The following MGST1 variants were observed in gnomAD, a reference collection of about 807,000 sequenced individuals.
MGST1 encodes the protein glutathione S-transferase 12.
Under a neutral mutation model 8.9 loss-of-function variants are expected in MGST1, and 5 were observed. That is an observed-to-expected ratio of 0.56 (90% CI 0.29 to 1.19). MGST1 has a LOEUF of 1.19. MGST1 is among the 50% of genes most tolerant of loss of function. MGST1 has a pLI of 0.08. For missense variants in MGST1, 182 were observed against 187.4 expected (o/e 0.97, Z 0.17); for synonymous variants, 54 against 67.8 (o/e 0.80, Z 1.00).
At chr12:16,542,104 G>T (rs2137213928) in intron 4 of MGST1, among the ~76,000 whole-genome samples, 1 of 152,222 alleles carries the variant, frequency 6.6e-6, no homozygotes, top group East Asian at 1.9e-4. Flanking sequence ...CATTTTTCAG[G>T]CAAGAGGAAG....
At chr12:16,426,194 C>T (rs1296139444) in intron 1 of MGST1, among the ~76,000 whole-genome samples, 1 of 152,180 alleles carries the variant, frequency 6.6e-6, no homozygotes, top group East Asian at 1.9e-4. Flanking sequence ...TTACAATCTT[C>T]ATCTCTTACT....
chr12:16,478,742 C>T (rs759396002), intron 4 of MGST1, among the ~76,000 whole-genome samples: 29 of 151,704 alleles, frequency 1.9e-4, no homozygotes, highest in South Asian at 4.1e-4. Flanking sequence ...CCTTACCCCT[C>T]AAAAAAACAA....
downstream of MGST1, chr12:16,367,389 G>A (rs973463261): frequency 1.3e-5 from 2 of 152,222 alleles, no homozygotes; most frequent in African/African-American, 2.4e-5. Context: ...TGAGACTGGA[G>A]TGGAAATGAG....
intron 4 of MGST1, among the ~76,000 whole-genome samples, chr12:16,508,846 G>A (rs1941557898): frequency 6.6e-6 from 1 of 152,138 alleles, no homozygotes; most frequent in Non-Finnish European, 1.5e-5. Context: ...AATTGTATAG[G>A]CACTGTTTTA....
chr12:16,532,574 T>C (rs1223359319), intron 4 of MGST1, among the ~76,000 whole-genome samples: 2 of 152,148 alleles, frequency 1.3e-5, no homozygotes, highest in African/African-American at 4.8e-5. Flanking sequence ...TAAAACAGAA[T>C]CATAAACAGT....
intron 4 of MGST1, among the ~76,000 whole-genome samples, chr12:16,461,426 G>A (rs912463515): frequency 2.0e-5 from 3 of 152,076 alleles, no homozygotes; most frequent in Non-Finnish European, 4.4e-5. Context: ...CAACCAGAAT[G>A]GTTTTCCAAG....
intron 4 of MGST1, among the ~76,000 whole-genome samples, chr12:16,511,449 G>T (rs532817910): frequency 1.3e-4 from 20 of 152,106 alleles, no homozygotes; most frequent in African/African-American, 3.6e-4. Context: ...TTGCTTTCAA[G>T]GATCTAAATT....
intron 4 of MGST1, among the ~76,000 whole-genome samples, chr12:16,573,001 G>A (rs1413412816): frequency 5.9e-5 from 9 of 151,532 alleles, no homozygotes; most frequent in Admixed American, 4.6e-4. Context: ...TTTTTTAAAG[G>A]AGTGCAATTC....
chr12:16,472,956 C>A (rs1941297879), intron 4 of MGST1, among the ~76,000 whole-genome samples: 1 of 152,166 alleles, frequency 6.6e-6, no homozygotes, highest in Non-Finnish European at 1.5e-5. Flanking sequence ...TGTAGGCTAG[C>A]CTTTCCATGA....
Position 16,364,396 on chromosome 12 carries a change from G to T in MGST1, c.*355G>T. The T allele has an allele frequency of 4.1e-6, 4 of 987,350 alleles. No homozygotes were observed. The highest frequency in any genetic ancestry group is 4.8e-6 in the Non-Finnish European group (4 of 829,372). The allele number at this position is 987,350 out of a possible 1,614,324, so 61.2% of individuals were successfully genotyped here. On this transcript the variant is annotated 3_prime_UTR_variant, in exon 4 of 4. Transcript: ENST00000396210. This position sits in a 1 kb window ranked among gnomAD's most constrained non-coding sequence, Gnocchi z 5.7. ...ACTGCTGAAACAGACATGAAATAAA[G>T]AATTTAAAGAATGATTTTGTTTGGT...
At position 16,584,415 on chromosome 12, in the gene MGST1, G is replaced by C. The variant is rs1217478586; in HGVS notation, n.483-5113G>C. ...TTAAAACAATATTTTGATGGGAAAG[G>C]CATCTGGCCAAAAGATTGTGGACAC... On this transcript the variant is annotated intron_variant and non_coding_transcript_variant, in intron 4 of 4. Transcript: ENST00000538857. This position sits in a 1 kb window ranked among gnomAD's most constrained non-coding sequence, Gnocchi z 5.2. Among the ~76,000 whole-genome samples the C allele has an allele frequency of 6.6e-6, 1 of 152,166 alleles. No homozygotes were observed. Among genetic ancestry groups the C allele is most frequent in the Non-Finnish European group, 1.5e-5 (1 of 68,034 alleles).
downstream of MGST1, among the ~76,000 whole-genome samples, chr12:16,377,620 C>G (rs1394113788): frequency 6.6e-6 from 1 of 152,030 alleles, no homozygotes; most frequent in African/African-American, 2.4e-5. Flanking sequence ...GTGCATGTGT[C>G]TTTATAGCAG....
chr12:16,579,174 T>A (rs1008283426), intron 4 of MGST1, among the ~76,000 whole-genome samples: 41 of 152,070 alleles, frequency 2.7e-4, no homozygotes, highest in African/African-American at 9.7e-4. Flanking sequence ...CATTAAATTG[T>A]ATATATATAT....
At chr12:16,400,473 C>T in intron 1 of MGST1, 2 of 796,404 alleles carry the variant, frequency 2.5e-6, no homozygotes. Flanking sequence ...TTAGATTGAT[C>T]ACCAGTGAGT....
In MGST1 at chr12:16,508,638, T is replaced by C. The variant is rs534124474; in HGVS notation, n.483-80890T>C. 2.0e-5 allele frequency among the ~76,000 whole-genome samples: 3 copies of C among 152,334 alleles called. No individual in the cohort carries two copies. The East Asian group carries it at 5.8e-4, about 29-fold the overall frequency. The stretch of plus-strand genomic sequence containing the variant: ...TTTGGTAATCCAGTCCATGATCTGA[T>C]CTTCAACTTTGATATATCTTTAGCC... On this transcript the variant is annotated intron_variant and non_coding_transcript_variant, in intron 4 of 4. Coordinates refer to the MGST1 transcript ENST00000538857.
At position 16,413,566 on chromosome 12, in the gene MGST1, G is replaced by A. The variant is rs1420577888; in HGVS notation, n.779-23822G>A. 2.6e-5 allele frequency among the ~76,000 whole-genome samples: 4 copies of A among 152,142 alleles called. No individual in the cohort carries two copies. The highest frequency in any genetic ancestry group is 9.7e-5 in the African/African-American group (4 of 41,432). On this transcript the variant is annotated intron_variant and non_coding_transcript_variant, in intron 1 of 1. Coordinates refer to the MGST1 transcript ENST00000359720. This position sits in a 1 kb window ranked among gnomAD's most constrained non-coding sequence, Gnocchi z 4.0. ...AGATGGTGAAATACCCATCACACCT[G>A]ATTCCCTTTTATCCCCTCCCCAGGT...
At chr12:16,534,849 A>G (rs1941745106) in intron 4 of MGST1, among the ~76,000 whole-genome samples, 1 of 152,174 alleles carries the variant, frequency 6.6e-6, no homozygotes, top group African/African-American at 2.4e-5. Flanking sequence ...GCATTGATCT[A>G]TTCTCCCAGG....
At chr12:16,409,057 G>A (rs1940719014) in intron 1 of MGST1, among the ~76,000 whole-genome samples, 1 of 151,896 alleles carries the variant, frequency 6.6e-6, no homozygotes, top group Non-Finnish European at 1.5e-5. Context: ...ACCATTATAT[G>A]TTAAATCTGT....
chr12:16,471,369 A>G (rs1941288621), intron 4 of MGST1, among the ~76,000 whole-genome samples: 1 of 152,256 alleles, frequency 6.6e-6, no homozygotes, highest in African/African-American at 2.4e-5. Context: ...ACTATGGTAT[A>G]TTAGAATTGA....
Sources: gnomAD v4.1 joint callset for allele counts (sites outside exome capture counted in the v4.1 genomes callset) on GRCh38, gnomAD v4.1.1 for gene constraint, Gnocchi (gnomAD v3.1) non-coding constraint, MANE v1.5 for transcripts, NCBI Gene and HGNC (gene_info 2026-07-23, HGNC 2026-07-21) for gene names.